Variants in FSTL3 observed in about 807,000 individuals in gnomAD.
FSTL3 encodes follistatin-related protein 3.
In FSTL3, 21 loss-of-function variants were observed where a neutral mutation model predicts 28.1. The observed-to-expected ratio is 0.75, with a 90% CI of 0.53 to 1.08. The LOEUF (loss-of-function observed/expected upper bound fraction) is 1.08. Ranked by LOEUF, FSTL3 falls within the 50% of genes least tolerant of loss-of-function variation. The probability of loss-of-function intolerance (pLI) is 0.00; values close to 1 mark genes in which losing one functional copy is unlikely to be tolerated. For missense variants in FSTL3, 400 were observed against 380.9 expected, an observed-to-expected ratio of 1.05 and a Z score of -0.42; for synonymous variants, 199 against 164.2, an observed-to-expected ratio of 1.21 and a Z score of -1.62.
Position 682,845 on chromosome 19 carries a change from G to T in FSTL3, c.*1137G>T, listed in dbSNP as rs1289218051. 1 of 232,928 alleles carries T rather than the reference G, an allele frequency of 4.3e-6. No individual in the cohort carries two copies. The allele number at this position is 232,928 out of a possible 1,614,324, so 14.4% of individuals were successfully genotyped here. A position where few individuals can be genotyped will look rare whatever the true frequency, so the allele number is the denominator to read the frequency against. On this transcript the variant is annotated 3_prime_UTR_variant, in exon 5 of 5. Transcript: ENST00000166139. ...TGCTCACCCACTGGCCCCGAGGGGG[G>T]TGTAGACGCCAAGACTCACGCATGT...
In FSTL3 at chr19:680,363, G is replaced by T; in HGVS notation, c.379G>T (p.Gly127Trp). The T allele has an allele frequency of 7.8e-7, 1 of 1,281,676 alleles. No individual in the cohort carries two copies. Among genetic ancestry groups the T allele is most frequent in the Admixed American group, 4.2e-5 (1 of 23,820 alleles). The allele number at this position is 1,281,676 out of a possible 1,614,324, so 79.4% of individuals were successfully genotyped here. The part of the protein sequence containing the change: ...PRCECAPDCS[G>W]LPARLQVCGS... ...CTGCGAGTGCGCGCCCGACTGCTCG[G>T]GGCTCCCGGCGCGGCTGCAGGTCTG... Residue 127 changes from glycine to tryptophan, a missense_variant, in exon 3 of 5, where the codon GGG becomes TGG. Coordinates refer to ENST00000166139, the MANE Select transcript of FSTL3 (RefSeq NM_005860.3).
At chr19:680,776 T>C in intron 3 of FSTL3, 1 of 324,392 alleles carries the variant, frequency 3.1e-6, no homozygotes, top group Non-Finnish European at 5.6e-6. Flanking sequence ...GGGGCCTGAG[T>C]AAGGGCGTCT....
At chr19:680,934 A>G in intron 3 of FSTL3, 1 of 253,014 alleles carries the variant, frequency 4.0e-6, no homozygotes. Context: ...TGTGGGTGTA[A>G]CCAGAGGGGC....
chr19:677,691 C>T, intron 1 of FSTL3, 101 bp from the exon 2 acceptor site: 1 of 1,156,370 alleles, frequency 8.6e-7, no homozygotes, highest in Non-Finnish European at 1.2e-6. Context: ...GTAGATCATT[C>T]CGTGCGTAAC....
chr19:681,478 C>G lies in FSTL3; in HGVS notation c.651C>G (p.Thr217=). The G allele has an allele frequency of 1.9e-6, 3 of 1,602,668 alleles. No individual in the cohort carries two copies. Among genetic ancestry groups the G allele is most frequent in the Non-Finnish European group, 1.7e-6 (2 of 1,179,718 alleles). The change falls in exon 4 of 5, where the codon ACC becomes ACG. Residue 217 remains threonine (T), a synonymous_variant. Transcript: ENST00000166139. The part of the protein sequence containing the change: ...GQELCGNNNV[T]YISSCHMRQA... Reference sequence around the variant, plus strand: ...AGCTTTGCGGCAACAACAACGTCACCTACATCTCCTCGTGCCACATGCGCC... The same window carrying G: ...AGCTTTGCGGCAACAACAACGTCACGTACATCTCCTCGTGCCACATGCGCC...
Position 681,742 on chromosome 19 carries a change from GC to G in FSTL3, c.*40del. 3 of 1,521,668 alleles carry G rather than the reference GC, an allele frequency of 2.0e-6. No homozygotes were observed. Among genetic ancestry groups the G allele is most frequent in the Non-Finnish European group, 1.8e-6 (2 of 1,122,226 alleles). 94.3% of individuals were successfully genotyped at this position (1,521,668 alleles called of 1,614,324 possible). ...GACAGGCCTGGGCCTGGTGCCCGAG[GC>G]CCCCCATCATCCCCTGTTATTTATT... On this transcript the variant is annotated 3_prime_UTR_variant, in exon 5 of 5. Transcript: ENST00000166139.
At chr19:678,790 C>T (rs572967292) in intron 2 of FSTL3, among the ~76,000 whole-genome samples, 5 of 152,204 alleles carry the variant, frequency 3.3e-5, no homozygotes, top group South Asian at 4.1e-4. Flanking sequence ...GGATTACAGG[C>T]GTGAGCCACC....
chr19:682,296 G>A lies in FSTL3; in HGVS notation c.*588G>A. Reference sequence around the variant, plus strand: ...TGAGTATGGAGGGTCTAGCCTGGGTGAGTATGGAGGGTCTAGCCTGGGTGT... The same window carrying A: ...TGAGTATGGAGGGTCTAGCCTGGGTAAGTATGGAGGGTCTAGCCTGGGTGT... On this transcript the variant is annotated 3_prime_UTR_variant, in exon 5 of 5. Coordinates refer to ENST00000166139, the MANE Select transcript of FSTL3 (RefSeq NM_005860.3). The A allele has an allele frequency of 3.8e-6, 1 of 261,560 alleles. No homozygotes were observed. The highest frequency in any genetic ancestry group is 2.2e-5 in the African/African-American group (1 of 44,638). 16.2% of individuals were successfully genotyped at this position (261,560 alleles called of 1,614,324 possible). A position where few individuals can be genotyped will look rare whatever the true frequency, so the allele number is the denominator to read the frequency against.
In FSTL3 at chr19:681,642, C is replaced by T. The variant is rs1157834745; in HGVS notation, c.734-8C>T. On this transcript the variant is annotated splice_region_variant and splice_polypyrimidine_tract_variant and intron_variant, in intron 4 of 4. Coordinates refer to ENST00000166139, the MANE Select transcript of FSTL3 (RefSeq NM_005860.3). ...CTGCGCCCTCAATGCTCTTATCGAC[C>T]CTTGCAGGCACCCCTGAGGAGCCGC... 1.9e-6 allele frequency: 3 copies of T among 1,583,136 alleles called. No individual in the cohort carries two copies. Among genetic ancestry groups the T allele is most frequent in the South Asian group, 1.1e-5 (1 of 87,966 alleles).
intron 2 of FSTL3, among the ~76,000 whole-genome samples, chr19:679,531 T>C (rs1248411258): frequency 6.6e-6 from 1 of 152,216 alleles, no homozygotes; most frequent in Non-Finnish European, 1.5e-5. Flanking sequence ...ACTGAGGTGC[T>C]TGGGCCCCTG....
At chr19:680,567 C>T (rs1459116090) in intron 3 of FSTL3, 78 bp downstream of exon 3, 2 of 874,208 alleles carry the variant, frequency 2.3e-6, no homozygotes, top group Admixed American at 4.6e-5. Context: ...GCTGCTGCCG[C>T]AGTAGGCGGG....
Position 680,434 on chromosome 19 carries a change from C to G in FSTL3, c.450C>G (p.Ala150=). 7.9e-7 allele frequency: 1 copy of G among 1,264,752 alleles called. No individual in the cohort carries two copies. The highest frequency in any genetic ancestry group is 1.6e-5 in the African/African-American group (1 of 64,498). 78.3% of individuals were successfully genotyped at this position (1,264,752 alleles called of 1,614,324 possible). A position where few individuals can be genotyped will look rare whatever the true frequency, so the allele number is the denominator to read the frequency against. ...ACCGCGACGAGTGCGAGCTGCGCGCCGCGCGCTGCCGCGGCCACCCGGACC... is the reference window on the plus strand; with the variant it reads ...ACCGCGACGAGTGCGAGCTGCGCGCGGCGCGCTGCCGCGGCCACCCGGACC... ...ATYRDECELR[A]ARCRGHPDLS... The change falls in exon 3 of 5, where the codon GCC becomes GCG. Residue 150 remains alanine (A), a synonymous_variant. Transcript: ENST00000166139.
chr19:683,160 G>A lies in FSTL3; in HGVS notation c.*1452G>A, dbSNP rs1051099547. On this transcript the variant is annotated 3_prime_UTR_variant, in exon 5 of 5. Transcript: ENST00000166139. ...TGCCTGCGTGTAAACCACAGCCTCA[G>A]ACCAGCTATGGGGAGAGGACAACAC... The A allele has an allele frequency of 8.6e-6, 2 of 233,240 alleles. No individual in the cohort carries two copies. Among genetic ancestry groups the A allele is most frequent in the Non-Finnish European group, 1.7e-5 (2 of 117,738 alleles). The allele number at this position is 233,240 out of a possible 1,614,324, so 14.4% of individuals were successfully genotyped here.
chr19:682,671 G>C lies in FSTL3; in HGVS notation c.*963G>C, dbSNP rs1277698515. ...CTGTGCTTGGCCACAGAACCACCCA[G>C]CGTCTCCCCTGCTGCTGTCCACGTC... is the stretch of plus-strand genomic sequence containing the variant. On this transcript the variant is annotated 3_prime_UTR_variant, in exon 5 of 5. Coordinates refer to ENST00000166139, the MANE Select transcript of FSTL3 (RefSeq NM_005860.3). 4.3e-6 allele frequency: 1 copy of C among 233,370 alleles called. No individual in the cohort carries two copies. The highest frequency in any genetic ancestry group is 6.0e-5 in the East Asian group (1 of 16,594). The allele number at this position is 233,370 out of a possible 1,614,324, so 14.5% of individuals were successfully genotyped here. A position where few individuals can be genotyped will look rare whatever the true frequency, so the allele number is the denominator to read the frequency against.
At chr19:677,710 A>T (rs768772221) in intron 1 of FSTL3, 82 bp from the exon 2 acceptor site, 148 of 1,344,754 alleles carry the variant, frequency 1.1e-4, no homozygotes, top group Non-Finnish European at 1.4e-4. Context: ...ACTACTCAGC[A>T]CCACCTGCAT....
chr19:681,237 C>A, intron 3 of FSTL3, 96 bp from the exon 4 acceptor site: 1 of 843,860 alleles, frequency 1.2e-6, no homozygotes, highest in Non-Finnish European at 1.8e-6. Flanking sequence ...AGAGGGTTTT[C>A]GCATCTTGGG....
In FSTL3 at chr19:680,416, C is replaced by G; in HGVS notation, c.432C>G (p.Asp144Glu). 1 of 1,270,662 alleles carries G rather than the reference C, an allele frequency of 7.9e-7. No individual in the cohort carries two copies. The highest frequency in any genetic ancestry group is 9.9e-7 in the Non-Finnish European group (1 of 1,010,552). 78.7% of individuals were successfully genotyped at this position (1,270,662 alleles called of 1,614,324 possible). Reference sequence around the variant, plus strand: ...GCTCAGACGGCGCCACCTACCGCGACGAGTGCGAGCTGCGCGCCGCGCGCT... The same window carrying G: ...GCTCAGACGGCGCCACCTACCGCGAGGAGTGCGAGCTGCGCGCCGCGCGCT... ...VCGSDGATYR[D>E]ECELRAARCR... Residue 144 changes from aspartate (D) to glutamate (E), a missense_variant, in exon 3 of 5, where the codon GAC (aspartate) becomes GAG (glutamate). Physicochemically the swap from Asp to Glu is conservative, Grantham distance 45 (BLOSUM62 2). Transcript: ENST00000166139.
Position 680,361 on chromosome 19 carries a change from C to G in FSTL3, c.377C>G (p.Ser126Trp). 1 of 1,280,708 alleles carries G rather than the reference C, an allele frequency of 7.8e-7. No homozygotes were observed. The highest frequency in any genetic ancestry group is 9.8e-7 in the Non-Finnish European group (1 of 1,016,460). 79.3% of individuals were successfully genotyped at this position (1,280,708 alleles called of 1,614,324 possible). The change falls in exon 3 of 5, where the codon TCG becomes TGG. Residue 126 changes from serine to tryptophan, a missense_variant. Transcript: ENST00000166139. ...CGCTGCGAGTGCGCGCCCGACTGCT[C>G]GGGGCTCCCGGCGCGGCTGCAGGTC... Reference protein sequence around the residue: ...RPRCECAPDCSGLPARLQVCG... With the variant: ...RPRCECAPDCWGLPARLQVCG...
chr19:677,226 CCCCAG>C (rs1402470642), intron 1 of FSTL3, among the ~76,000 whole-genome samples: 11 of 152,170 alleles, frequency 7.2e-5, no homozygotes, highest in Non-Finnish European at 1.2e-4. Context: ...CCCCACCCCA[CCCCAG>C]CCCTGCGCCA....
Sources: gnomAD v4.1 joint callset for allele counts (sites outside exome capture counted in the v4.1 genomes callset) on GRCh38, gnomAD v4.1.1 for gene constraint, MANE v1.5 for transcripts, NCBI Gene and HGNC (gene_info 2026-07-23, HGNC 2026-07-21) for gene names.